The following FGF14 variants were observed in gnomAD, a reference collection of about 807,000 sequenced individuals.
FGF14 encodes the protein fibroblast growth factor homologous factor 4.
Under a neutral mutation model 25.5 loss-of-function variants are expected in FGF14, and 5 were observed. That is an observed-to-expected ratio of 0.20 (90% CI 0.10 to 0.41). The LOEUF (loss-of-function observed/expected upper bound fraction) is 0.41, where lower values mean the gene tolerates loss of function less well. Among genes scored for constraint, FGF14 ranks in the 10% least tolerant of loss-of-function variants. The pLI is 1.00. For synonymous variants in FGF14, 138 were observed against 118.3 expected (o/e 1.17, Z -1.08); for missense variants, 222 against 320.1 (o/e 0.69, Z 2.34).
At chr13:102,294,659 C>T (rs2054604906) in intron 1 of FGF14, among the ~76,000 whole-genome samples, 3 of 152,054 alleles carry the variant, frequency 2.0e-5, no homozygotes, top group South Asian at 4.1e-4. Context: ...GTTTGCCCTC[C>T]CCTCCTTTCT....
intron 1 of FGF14, among the ~76,000 whole-genome samples, chr13:102,097,511 C>G (rs1004884742): frequency 3.9e-5 from 6 of 152,168 alleles, no homozygotes; most frequent in Non-Finnish European, 1.5e-5. Flanking sequence ...GCAATTCTGT[C>G]TCCCAAGTAG....
At chr13:102,178,595 G>T (rs868430079) in intron 1 of FGF14, among the ~76,000 whole-genome samples, 1 of 151,884 alleles carries the variant, frequency 6.6e-6, no homozygotes, top group East Asian at 1.9e-4. Context: ...CTATGTCCAC[G>T]TGTACACGTT....
intron 3 of FGF14, among the ~76,000 whole-genome samples, chr13:101,768,030 T>C (rs2038517287): frequency 6.6e-6 from 1 of 152,172 alleles, no homozygotes; most frequent in Non-Finnish European, 1.5e-5. Flanking sequence ...GTAGGCATTA[T>C]TGTTTCTAAA....
intron 3 of FGF14, among the ~76,000 whole-genome samples, chr13:101,742,826 AAATTCCTTGTGGAC>A (rs2036641109): frequency 6.6e-6 from 1 of 152,152 alleles, no homozygotes; most frequent in African/African-American, 2.4e-5. Context: ...GTCCACAAGG[AAATTCCTTGTGGAC>A]AGGCCGAACT....
intron 3 of FGF14, among the ~76,000 whole-genome samples, chr13:101,824,596 G>A (rs2042313947): frequency 6.6e-6 from 1 of 152,092 alleles, no homozygotes; most frequent in African/African-American, 2.4e-5. Flanking sequence ...TTTGGTCTTA[G>A]TCCAGGCTTC....
At position 102,200,970 on chromosome 13, in the gene FGF14, G is replaced by C. The variant is rs564441185; in HGVS notation, c.208+200501C>G. Among the ~76,000 whole-genome samples, 690 of 151,676 alleles carry C rather than the reference G, an allele frequency of 4.5e-3. 2 individuals are homozygous for C. The highest frequency in any genetic ancestry group is 0.015 in the African/African-American group (634 of 41,380). Reference sequence around the variant, plus strand: ...ACAAAAAATTAGCCAGGCGTGGTGGGGGGCGCCTGTAGTCCCAGCTACTGG... The same window carrying C: ...ACAAAAAATTAGCCAGGCGTGGTGGCGGGCGCCTGTAGTCCCAGCTACTGG... On this transcript the variant is annotated intron_variant, in intron 1 of 4. Coordinates refer to the FGF14 transcript ENST00000376131.
At chr13:101,845,355 C>G (rs545434192) in intron 3 of FGF14, among the ~76,000 whole-genome samples, 1 of 151,948 alleles carries the variant, frequency 6.6e-6, no homozygotes, top group Non-Finnish European at 1.5e-5. Context: ...TATGAAAACT[C>G]GGGGAGCAAT....
Position 102,399,901 on chromosome 13 carries a change from C to T in FGF14, c.208+1570G>A, listed in dbSNP as rs191127828. On this transcript the variant is annotated intron_variant, in intron 1 of 4. Transcript: ENST00000376131. ...GAGGCTACTACCAGAGCCTCAATTG[C>T]CACCCCAAAGTACCAGCTGGGGGCA... Among the ~76,000 whole-genome samples, 5 of 152,286 alleles carry T rather than the reference C, an allele frequency of 3.3e-5. No homozygotes were observed. The East Asian group carries it at 9.7e-4, about 30-fold the overall frequency.
chr13:102,336,048 G>A (rs1288751700), intron 1 of FGF14, among the ~76,000 whole-genome samples: 1 of 152,060 alleles, frequency 6.6e-6, no homozygotes. Flanking sequence ...TTGAGATGAG[G>A]CCAATTAAGA....
chr13:102,086,598 A>G (rs2043919807), intron 1 of FGF14, among the ~76,000 whole-genome samples: 1 of 152,188 alleles, frequency 6.6e-6, no homozygotes. Context: ...AATTTAAGGT[A>G]TTTTCTCAAG....
intron 1 of FGF14, among the ~76,000 whole-genome samples, chr13:102,094,262 G>T (rs2140256787): frequency 6.6e-6 from 1 of 152,182 alleles, no homozygotes; most frequent in East Asian, 1.9e-4. Context: ...GCAAAGTCAT[G>T]GTATGACAAC....
At chr13:101,778,150 T>C (rs1466195269) in intron 3 of FGF14, among the ~76,000 whole-genome samples, 19 of 152,192 alleles carry the variant, frequency 1.2e-4, no homozygotes, top group Non-Finnish European at 4.4e-5. Flanking sequence ...AATTATTTAC[T>C]TAAGAAGTGG....
At chr13:101,725,337 A>G (rs1289972933) in intron 4 of FGF14, among the ~76,000 whole-genome samples, 1 of 152,046 alleles carries the variant, frequency 6.6e-6, no homozygotes, top group Non-Finnish European at 1.5e-5. Flanking sequence ...CATCCTTATG[A>G]TCCACCATAT....
chr13:102,401,729 G>A (rs781364555), exon 1 of FGF14: 1 of 1,489,234 alleles, frequency 6.7e-7, no homozygotes, highest in Non-Finnish European at 9.3e-7. Context: ...CCCCTCACGT[G>A]GTATATTTCT....
rs556330372 is a variant in FGF14, at chr13:102,076,231, G to GT, written c.209-200936dup. Among the ~76,000 whole-genome samples, 34 of 152,248 alleles carry GT rather than the reference G, an allele frequency of 2.2e-4. No homozygotes were observed. The East Asian group carries it at 6.4e-3, about 29-fold the overall frequency. ...TCCAGTCTTGCAAGCCCCGTTCATG[G>GT]TAAGTGCCCTAGGCAGGTGTATCAC... On this transcript the variant is annotated intron_variant, in intron 1 of 4. Transcript: ENST00000376131.
chr13:102,187,621 G>A (rs993119195), intron 1 of FGF14, among the ~76,000 whole-genome samples: 4 of 151,852 alleles, frequency 2.6e-5, no homozygotes, highest in African/African-American at 4.8e-5. Context: ...TTCCACCTTC[G>A]TGCCCTGTCC....
rs989502517 is a variant in FGF14 at position 101,930,319 on chromosome 13, T to C, written c.209-55023A>G. Among the ~76,000 whole-genome samples the C allele has an allele frequency of 3.3e-5, 5 of 152,240 alleles. No individual in the cohort carries two copies. The East Asian group carries it at 9.6e-4, about 29-fold the overall frequency. ...TATTGAGAGTATTTACAAGGTCTTA[T>C]GTCAAAAAGAGCCAAATTAATTTCC... On this transcript the variant is annotated intron_variant, in intron 1 of 4. Transcript: ENST00000376131.
intron 3 of FGF14, among the ~76,000 whole-genome samples, chr13:101,765,535 G>A (rs2038326076): frequency 6.6e-6 from 1 of 152,080 alleles, no homozygotes; most frequent in Non-Finnish European, 1.5e-5. Flanking sequence ...ATTGCTTAGG[G>A]AAATCTCAGA....
At chr13:101,851,862 T>C (rs944819203) in intron 3 of FGF14, among the ~76,000 whole-genome samples, 6 of 152,124 alleles carry the variant, frequency 3.9e-5, no homozygotes, top group Admixed American at 3.9e-4. Context: ...TAGTTGCCTA[T>C]GAATATAATC....
Sources: gnomAD v4.1 joint callset for allele counts (sites outside exome capture counted in the v4.1 genomes callset) on GRCh38, gnomAD v4.1.1 for gene constraint, MANE v1.5 for transcripts, NCBI Gene and HGNC (gene_info 2026-07-23, HGNC 2026-07-21) for gene names.